Variants in MACF1 observed in about 807,000 individuals in gnomAD.
The protein encoded by MACF1 is microtubule actin crosslinking factor 1, also known as microtubule-actin cross-linking factor 1.
Under a neutral mutation model 854.8 loss-of-function variants are expected in MACF1, and 193 were observed. That is an observed-to-expected ratio of 0.23 (90% confidence interval 0.20 to 0.25). The LOEUF is 0.25. Among genes scored for constraint, MACF1 ranks in the 10% least tolerant of loss-of-function variants. The pLI is 1.00. For missense variants in MACF1, 7,722 were observed against 8,929.1 expected, an observed-to-expected ratio of 0.86 and a Z score of 5.45; for synonymous variants, 3,185 against 3,226.7, an observed-to-expected ratio of 0.99 and a Z score of 0.44.
chr1:39,459,157 A>G lies in MACF1; in HGVS notation c.21268A>G (p.Ile7090Val). The G allele has an allele frequency of 1.9e-6, 3 of 1,614,192 alleles. No homozygotes were observed. The highest frequency in any genetic ancestry group is 2.5e-6 in the Non-Finnish European group (3 of 1,180,024). The change falls in exon 91 of 101, where the codon ATC (isoleucine) becomes GTC (valine). Residue 7090 changes from isoleucine (I) to valine (V), a missense_variant. Transcript: ENST00000564288. ...LSQSEAKNPR[I>V]NQLSARWQQV... ...ACAGTCTGAAGCAAAAAACCCACGG[A>G]TCAACCAGCTTTCTGCCCGCTGGCA...
chr1:39,347,777 A>G (rs1647088252), intron 41 of MACF1, among the ~76,000 whole-genome samples: 2 of 152,164 alleles, frequency 1.3e-5, no homozygotes, highest in South Asian at 4.1e-4. Context: ...TCCTCACAGT[A>G]TAGTGCCCAG....
intron 4 of MACF1, among the ~76,000 whole-genome samples, chr1:39,252,256 G>A (rs906826117): frequency 2.6e-5 from 4 of 152,180 alleles, no homozygotes; most frequent in African/African-American, 9.7e-5. Context: ...TGTGTTTTCT[G>A]AGTCCAGATT....
chr1:39,111,259 T>C (rs1226589724), intron 2 of MACF1, among the ~76,000 whole-genome samples: 5 of 152,176 alleles, frequency 3.3e-5, no homozygotes, highest in African/African-American at 7.2e-5. Flanking sequence ...GTTGATACCA[T>C]TGTGTAGCTC....
rs1430005272 is a variant in MACF1, at chr1:39,335,574, G to C, written c.8986G>C (p.Glu2996Gln). 1 of 1,614,050 alleles carries C rather than the reference G, an allele frequency of 6.2e-7. No individual in the cohort carries two copies. Among genetic ancestry groups the C allele is most frequent in the Non-Finnish European group, 8.5e-7 (1 of 1,180,016 alleles). The change falls in exon 37 of 101, where the codon GAA becomes CAA. Residue 2996 changes from glutamate (E) to glutamine (Q), a missense_variant. Physicochemically the swap from Glu to Gln is conservative, Grantham distance 29. Transcript: ENST00000564288. ...AACATGCAAACCAGCATTTCTTTCTGAAGAAAAGTTGTATCAGGAAACTGC... is the reference window on the plus strand; with the variant it reads ...AACATGCAAACCAGCATTTCTTTCTCAAGAAAAGTTGTATCAGGAAACTGC... ...IRTCKPAFLS[E>Q]EKLYQETAIR... is the part of the protein sequence containing the mutation.
chr1:39,329,571 A>G (rs1369649282), intron 36 of MACF1, among the ~76,000 whole-genome samples: 1 of 152,222 alleles, frequency 6.6e-6, no homozygotes, highest in Non-Finnish European at 1.5e-5. Flanking sequence ...AAGATCCTCT[A>G]TCAATAAGAT....
intron 2 of MACF1, among the ~76,000 whole-genome samples, chr1:39,100,510 C>G (rs1339435113): frequency 6.6e-6 from 1 of 152,202 alleles, no homozygotes; most frequent in African/African-American, 2.4e-5. Context: ...TCAGTAGTCA[C>G]AGACAGCCAA....
At chr1:39,398,235 C>A (rs1028262419) in intron 58 of MACF1, among the ~76,000 whole-genome samples, 2 of 151,542 alleles carry the variant, frequency 1.3e-5, no homozygotes, top group Admixed American at 1.3e-4. Flanking sequence ...ACCTCCCAGT[C>A]TCAAGTGATC....
intron 6 of MACF1, among the ~76,000 whole-genome samples, chr1:39,266,053 G>T (rs977924748): frequency 1.2e-4 from 18 of 152,128 alleles, no homozygotes; most frequent in Non-Finnish European, 4.4e-5. Context: ...CCCTAGACCA[G>T]TTTTTCTCTG....
At chr1:39,408,917 C>T (rs534827209) in intron 58 of MACF1, among the ~76,000 whole-genome samples, 1 of 152,002 alleles carries the variant, frequency 6.6e-6, no homozygotes, top group Non-Finnish European at 1.5e-5. Context: ...GGAGTCGCTC[C>T]TCTCCCCGGC....
At chr1:39,394,299 C>T (rs1486464177) in intron 58 of MACF1, among the ~76,000 whole-genome samples, 1 of 152,106 alleles carries the variant, frequency 6.6e-6, no homozygotes, top group East Asian at 1.9e-4. Flanking sequence ...AGAAAGCAAG[C>T]TTAGGCATCT....
At chr1:39,484,890 T>C in intron 100 of MACF1, 160 bp downstream of exon 100, 2 of 785,742 alleles carry the variant, frequency 2.5e-6, no homozygotes, top group Non-Finnish European at 2.1e-6. Flanking sequence ...CTTTACTTTT[T>C]CTGTCATTAC....
chr1:39,458,805 T>C (rs1644493658), intron 90 of MACF1: 5 of 494,312 alleles, frequency 1.0e-5, no homozygotes, highest in Admixed American at 3.8e-5. Flanking sequence ...CAACAGCTTC[T>C]ACAGAATATG....
intron 15 of MACF1, among the ~76,000 whole-genome samples, chr1:39,289,971 A>G (rs573154949): frequency 1.3e-5 from 2 of 152,134 alleles, no homozygotes; most frequent in African/African-American, 4.8e-5. Flanking sequence ...AAGTGCTGGG[A>G]TTACAGGCGT....
At chr1:39,317,752 A>G (rs1646440454) in intron 29 of MACF1, among the ~76,000 whole-genome samples, 1 of 152,174 alleles carries the variant, frequency 6.6e-6, no homozygotes, top group African/African-American at 2.4e-5. Flanking sequence ...AATATGAGCC[A>G]TTTTTTATGA....
At chr1:39,417,006 GTTAA>G (rs1643340247) in intron 58 of MACF1, among the ~76,000 whole-genome samples, 1 of 152,162 alleles carries the variant, frequency 6.6e-6, no homozygotes, top group Non-Finnish European at 1.5e-5. Context: ...AAGATGAGAG[GTTAA>G]TTTTTTATTT....
intron 2 of MACF1, among the ~76,000 whole-genome samples, chr1:39,159,248 C>T (rs1386581488): frequency 1.3e-5 from 2 of 152,236 alleles, no homozygotes; most frequent in East Asian, 1.9e-4. Flanking sequence ...CTTGCTTGAA[C>T]GGACAAGTAA....
In MACF1 at chr1:39,340,825, AC is replaced by A; in HGVS notation, c.10454del (p.Thr3485AsnfsTer3). 6.2e-7 allele frequency: 1 copy of A among 1,613,512 alleles called. No individual in the cohort carries two copies. Among genetic ancestry groups the A allele is most frequent in the Non-Finnish European group, 8.5e-7 (1 of 1,179,842 alleles). ...IEKTKVLNQH[T>X]QLEGRLQDLR... ...TTAGACTAAAGTGTTAAATCAGCACACACAGCTAGAAGGCCGACTTCAAGAT... is the reference window on the plus strand; with the variant it reads ...TTAGACTAAAGTGTTAAATCAGCACAACAGCTAGAAGGCCGACTTCAAGAT... On this transcript the variant is annotated frameshift_variant, in exon 40 of 101. Coordinates refer to ENST00000564288, the MANE Select transcript of MACF1 (RefSeq NM_001394062.1). LOFTEE classifies it high-confidence loss of function.
At chr1:39,307,901 C>CTTTCTTTCTTTTTTTTTTTTT (rs1222230255) in intron 23 of MACF1, among the ~76,000 whole-genome samples, 14 of 50,404 alleles carry the variant, frequency 2.8e-4, no homozygotes, top group African/African-American at 1.1e-3. Context: ...TTCTTTCTTT[C>CTTTCTTTCTTTTTTTTTTTTT]TTTTTTTTTT....
intron 58 of MACF1, among the ~76,000 whole-genome samples, chr1:39,406,619 C>T (rs987732432): frequency 6.6e-6 from 1 of 150,980 alleles, no homozygotes; most frequent in African/African-American, 2.4e-5. Flanking sequence ...CCTGTAATCC[C>T]AGCTATTGGG....
Sources: gnomAD v4.1 joint callset for allele counts (sites outside exome capture counted in the v4.1 genomes callset) on GRCh38, gnomAD v4.1.1 for gene constraint, MANE v1.5 for transcripts, NCBI Gene and HGNC (gene_info 2026-07-23, HGNC 2026-07-21) for gene names.